The following PRKCA variants were observed in gnomAD, a reference collection of about 807,000 sequenced individuals.
The protein encoded by PRKCA is protein kinase C alpha, also known as protein kinase C alpha type.
PRKCA carries 27 observed loss-of-function variants against 87.0 expected under a neutral mutation model. That is an observed-to-expected ratio of 0.31 (90% CI 0.23 to 0.43). The LOEUF (loss-of-function observed/expected upper bound fraction) is 0.43, where lower values mean the gene tolerates loss of function less well. PRKCA is among the 20% of genes least tolerant of loss of function. The pLI is 1.00. For synonymous variants in PRKCA, 329 were observed against 311.1 expected (o/e 1.06, Z -0.61); for missense variants, 518 against 852.3 (o/e 0.61, Z 4.88).
intron 2 of PRKCA, among the ~76,000 whole-genome samples, chr17:66,476,981 T>C (rs1229137880): frequency 6.6e-6 from 1 of 152,184 alleles, no homozygotes; most frequent in East Asian, 1.9e-4. Context: ...ATTTCCATTT[T>C]AGAGTCGGAA....
At chr17:66,695,240 A>C (rs568195858) in intron 8 of PRKCA, among the ~76,000 whole-genome samples, 1 of 152,338 alleles carries the variant, frequency 6.6e-6, no homozygotes, top group East Asian at 1.9e-4. Context: ...AAATAACCCC[A>C]GCCATGGACC....
At chr17:66,532,116 G>A (rs1967564487) in intron 3 of PRKCA, among the ~76,000 whole-genome samples, 1 of 151,150 alleles carries the variant, frequency 6.6e-6, no homozygotes. Flanking sequence ...CTTTAGGGAT[G>A]GATTTTCTTA....
At chr17:66,451,067 G>C (rs923431814) in intron 2 of PRKCA, among the ~76,000 whole-genome samples, 2 of 152,202 alleles carry the variant, frequency 1.3e-5, no homozygotes, top group African/African-American at 4.8e-5. Context: ...AAGAAATGAT[G>C]AAGTGAATAT....
intron 3 of PRKCA, among the ~76,000 whole-genome samples, chr17:66,605,032 C>T (rs1181946044): frequency 6.6e-6 from 1 of 152,094 alleles, no homozygotes; most frequent in Non-Finnish European, 1.5e-5. Flanking sequence ...CCCCAAGGCT[C>T]CTTGTGAATA....
chr17:66,570,328 A>G lies in PRKCA; in HGVS notation c.289-71027A>G, dbSNP rs1008442500. Among the ~76,000 whole-genome samples, 9 of 152,250 alleles carry G rather than the reference A, an allele frequency of 5.9e-5. 1 individual carries two copies. The highest frequency in any genetic ancestry group is 1.3e-4 in the Admixed American group (2 of 15,292). On this transcript the variant is annotated intron_variant, in intron 3 of 16. Transcript: ENST00000413366. ...AGGCGAGATTATGTTGTGAGAATCC[A>G]TCAGGCTGCATATTATGACTTGTGC...
At chr17:66,619,782 C>G (rs537672461) in intron 3 of PRKCA, among the ~76,000 whole-genome samples, 85 of 152,234 alleles carry the variant, frequency 5.6e-4, no homozygotes, top group African/African-American at 2.0e-3. Context: ...CTTTAAACCT[C>G]CAAAAGGGAG....
At chr17:66,481,717 C>T (rs1286388368) in intron 2 of PRKCA, among the ~76,000 whole-genome samples, 2 of 152,152 alleles carry the variant, frequency 1.3e-5, no homozygotes, top group African/African-American at 4.8e-5. Context: ...TGTAGTCCTC[C>T]CAGGCCTGCC....
chr17:66,654,596 C>T (rs1211297606), intron 5 of PRKCA, among the ~76,000 whole-genome samples: 1 of 152,204 alleles, frequency 6.6e-6, no homozygotes, highest in Non-Finnish European at 1.5e-5. Flanking sequence ...AGCTGTTTCC[C>T]TTGAGTACAG....
chr17:66,704,584 A>G (rs1973145519), intron 8 of PRKCA, among the ~76,000 whole-genome samples: 1 of 152,232 alleles, frequency 6.6e-6, no homozygotes, highest in Non-Finnish European at 1.5e-5. Flanking sequence ...ATTCAGAACT[A>G]TATGAAGATA....
At chr17:66,530,856 TA>T (rs35908043) in intron 3 of PRKCA, among the ~76,000 whole-genome samples, 9,628 of 149,796 alleles carry the variant, frequency 0.064, 923 homozygotes, top group African/African-American at 0.21. Flanking sequence ...GTGGAGGATC[TA>T]AAAAAAAAAT....
At chr17:66,492,503 G>T (rs1321975705) in intron 2 of PRKCA, among the ~76,000 whole-genome samples, 3 of 152,146 alleles carry the variant, frequency 2.0e-5, no homozygotes, top group East Asian at 3.9e-4. Flanking sequence ...TGTGGAGATG[G>T]TTTTTTTTAA....
intron 3 of PRKCA, among the ~76,000 whole-genome samples, chr17:66,518,093 G>A (rs1438142323): frequency 6.6e-6 from 1 of 152,136 alleles, no homozygotes; most frequent in African/African-American, 2.4e-5. Flanking sequence ...TGTTGTTCCA[G>A]GATATTTTTA....
chr17:66,802,499 T>C (rs565273239), intron 16 of PRKCA, among the ~76,000 whole-genome samples: 290 of 149,958 alleles, frequency 1.9e-3, no homozygotes, highest in African/African-American at 6.8e-3. Context: ...CACTCTAGTC[T>C]GGGCGACAGA....
chr17:66,775,516 C>G (rs1327128705), intron 14 of PRKCA: 4 of 985,380 alleles, frequency 4.1e-6, no homozygotes, highest in Non-Finnish European at 3.6e-6. Context: ...AATCACCCAG[C>G]AGATCTCTGC....
intron 3 of PRKCA, among the ~76,000 whole-genome samples, chr17:66,497,969 C>T (rs1452506128): frequency 1.3e-5 from 2 of 152,138 alleles, no homozygotes; most frequent in Non-Finnish European, 2.9e-5. Flanking sequence ...CATACACATA[C>T]ACACGGGTTC....
chr17:66,733,132 C>G (rs1010647658), intron 9 of PRKCA, among the ~76,000 whole-genome samples: 6 of 129,164 alleles, frequency 4.6e-5, no homozygotes, highest in Non-Finnish European at 7.8e-5. Context: ...GCCTGGGAGA[C>G]AGTGAGACTC....
chr17:66,629,242 T>TG (rs1426118227), intron 3 of PRKCA, among the ~76,000 whole-genome samples: 1 of 152,162 alleles, frequency 6.6e-6, no homozygotes, highest in African/African-American at 2.4e-5. Context: ...TACCAGCTGC[T>TG]GGGGAATCTT....
intron 8 of PRKCA, among the ~76,000 whole-genome samples, chr17:66,709,082 T>C (rs7224459): frequency 0.61 from 93,223 of 151,886 alleles, 28,695 homozygotes; most frequent in African/African-American, 0.66. Context: ...CACGTAGGAT[T>C]GGTTTGCCTC....
At chr17:66,708,267 A>G (rs7221859) in intron 8 of PRKCA, among the ~76,000 whole-genome samples, 21,935 of 152,130 alleles carry the variant, frequency 0.14, 1,798 homozygotes, top group East Asian at 0.28. Flanking sequence ...GCTTCCTGCC[A>G]TTTGCCACTT....
Sources: allele counts gnomAD v4.1 joint callset (sites outside exome capture counted in the v4.1 genomes callset), GRCh38; gene constraint gnomAD v4.1.1; transcripts MANE v1.5; gene names NCBI Gene and HGNC (gene_info 2026-07-23, HGNC 2026-07-21).